Variants in DCBLD2 observed in about 807,000 individuals in gnomAD.
The protein encoded by DCBLD2 is discoidin, CUB and LCCL domain containing 2.
A neutral mutation model predicts 86.8 loss-of-function variants in DCBLD2; 54 were observed. The observed-to-expected ratio is 0.62, with a 90% CI of 0.50 to 0.78. DCBLD2 has a LOEUF of 0.78. DCBLD2 is among the 30% of genes least tolerant of loss of function. The pLI is 0.00. For missense variants in DCBLD2, 908 were observed against 954.2 expected, an observed-to-expected ratio of 0.95 and a Z score of 0.64; for synonymous variants, 354 against 341.3, an observed-to-expected ratio of 1.04 and a Z score of -0.41.
chr3:98,830,856 C>A (rs777049342), intron 3 of DCBLD2, among the ~76,000 whole-genome samples: 5 of 152,098 alleles, frequency 3.3e-5, no homozygotes, highest in Non-Finnish European at 7.3e-5. Context: ...ATAATGACTC[C>A]TCCAATTCAT....
chr3:98,883,080 T>C (rs1396487225), intron 1 of DCBLD2, among the ~76,000 whole-genome samples: 7 of 152,148 alleles, frequency 4.6e-5, no homozygotes, highest in Admixed American at 3.3e-4. Flanking sequence ...CTCTCCAGCA[T>C]CTGTTGTTTC....
intron 14 of DCBLD2, 104 bp downstream of exon 14, chr3:98,801,496 G>C: frequency 1.2e-6 from 1 of 812,212 alleles, no homozygotes. Context: ...AACAGTGTCG[G>C]GGAGTTCACC....
chr3:98,833,414 T>C (rs147070409), intron 3 of DCBLD2, among the ~76,000 whole-genome samples: 265 of 152,366 alleles, frequency 1.7e-3, no homozygotes, highest in Admixed American at 6.5e-3. Flanking sequence ...CCTGTGCATA[T>C]TCTGAATTCT....
Position 98,799,248 on chromosome 3 carries a change from CCA to C in DCBLD2, c.*122_*123del. The stretch of plus-strand genomic sequence containing the variant: ...TTAGTAGTTTCCTGTACCTCAGTCA[CCA>C]CATTTTCCCCAACCACTTCAGTGAC... On this transcript the variant is annotated 3_prime_UTR_variant, in exon 16 of 16. Coordinates refer to ENST00000326840, the MANE Select transcript of DCBLD2 (RefSeq NM_080927.4). The C allele has an allele frequency of 2.8e-6, 3 of 1,073,662 alleles. No homozygotes were observed. Among genetic ancestry groups the C allele is most frequent in the Non-Finnish European group, 4.0e-6 (3 of 757,850 alleles). The allele number at this position is 1,073,662 out of a possible 1,614,324, so 66.5% of individuals were successfully genotyped here. A position where few individuals can be genotyped will look rare whatever the true frequency, so the allele number is the denominator to read the frequency against.
At chr3:98,878,761 C>T (rs1943412738) in intron 2 of DCBLD2, among the ~76,000 whole-genome samples, 1 of 152,200 alleles carries the variant, frequency 6.6e-6, no homozygotes, top group African/African-American at 2.4e-5. Flanking sequence ...ACCATCATCA[C>T]TCAGGCCCCT....
chr3:98,872,174 T>C (rs967361886), intron 2 of DCBLD2, among the ~76,000 whole-genome samples: 2 of 152,230 alleles, frequency 1.3e-5, no homozygotes, highest in Non-Finnish European at 2.9e-5. Context: ...TCTGAAAGTA[T>C]AGTCTTCATG....
intron 2 of DCBLD2, among the ~76,000 whole-genome samples, chr3:98,858,259 T>C (rs531374719): frequency 1.3e-5 from 2 of 152,344 alleles, no homozygotes; most frequent in South Asian, 4.1e-4. Context: ...GAACTCGCAC[T>C]GGCCCGCAAG....
intron 14 of DCBLD2, among the ~76,000 whole-genome samples, chr3:98,801,096 C>G (rs374056691): frequency 6.6e-6 from 1 of 152,188 alleles, no homozygotes; most frequent in African/African-American, 2.4e-5. Context: ...AAGAGCTGAT[C>G]CAGTAGTGAG....
chr3:98,829,896 A>G (rs1267666561), intron 3 of DCBLD2, among the ~76,000 whole-genome samples: 1 of 152,136 alleles, frequency 6.6e-6, no homozygotes, highest in Admixed American at 6.6e-5. Flanking sequence ...CCATAACCTC[A>G]TTAGCATGTT....
At chr3:98,823,832 C>T (rs908565070) in intron 4 of DCBLD2, among the ~76,000 whole-genome samples, 1 of 152,164 alleles carries the variant, frequency 6.6e-6, no homozygotes, top group African/African-American at 2.4e-5. Flanking sequence ...CCCATTCACA[C>T]AGTTAGCAGG....
intron 1 of DCBLD2, among the ~76,000 whole-genome samples, chr3:98,895,875 C>T (rs955716393): frequency 6.6e-6 from 1 of 152,200 alleles, no homozygotes; most frequent in Non-Finnish European, 1.5e-5. Context: ...GGTACATGCA[C>T]ACTCTCTTGA....
At chr3:98,841,413 T>C (rs977485549) in intron 3 of DCBLD2, among the ~76,000 whole-genome samples, 2 of 152,220 alleles carry the variant, frequency 1.3e-5, no homozygotes, top group Non-Finnish European at 2.9e-5. Context: ...CTGCAAAGGC[T>C]AGAGAACTTT....
chr3:98,864,299 T>C (rs527730094), intron 2 of DCBLD2, among the ~76,000 whole-genome samples: 1 of 152,228 alleles, frequency 6.6e-6, no homozygotes, highest in African/African-American at 2.4e-5. Flanking sequence ...AGTGTGGCAA[T>C]TCCTCAAGTA....
intron 2 of DCBLD2, among the ~76,000 whole-genome samples, chr3:98,865,036 T>C (rs1943118795): frequency 6.6e-6 from 1 of 152,144 alleles, no homozygotes; most frequent in African/African-American, 2.4e-5. Context: ...ATAGCTGTTA[T>C]GAAAACCAGT....
chr3:98,878,794 T>C (rs987925534), intron 2 of DCBLD2, among the ~76,000 whole-genome samples: 6 of 152,134 alleles, frequency 3.9e-5, no homozygotes, highest in Non-Finnish European at 1.5e-5. Flanking sequence ...AGCTTTCCAT[T>C]CACCCATGAG....
chr3:98,871,162 T>C (rs997895344), intron 2 of DCBLD2, among the ~76,000 whole-genome samples: 1 of 152,156 alleles, frequency 6.6e-6, no homozygotes, highest in African/African-American at 2.4e-5. Flanking sequence ...TACAGATTCA[T>C]TTATCCAATC....
At chr3:98,843,983 T>C (rs1942669852) in intron 3 of DCBLD2, among the ~76,000 whole-genome samples, 1 of 150,226 alleles carries the variant, frequency 6.7e-6, no homozygotes, top group South Asian at 2.1e-4. Flanking sequence ...TAAGTGACAA[T>C]TTCATGTTCT....
intron 1 of DCBLD2, among the ~76,000 whole-genome samples, chr3:98,896,863 T>C (rs1475543254): frequency 6.6e-6 from 1 of 152,202 alleles, no homozygotes; most frequent in Non-Finnish European, 1.5e-5. Context: ...ATCCTTCTAC[T>C]GTTGGGTCAT....
intron 2 of DCBLD2, among the ~76,000 whole-genome samples, chr3:98,866,536 T>C (rs1402107700): frequency 1.3e-5 from 2 of 152,220 alleles, no homozygotes; most frequent in Admixed American, 6.5e-5. Context: ...TCATATCATT[T>C]GCCCACTTGT....
Sources: allele counts gnomAD v4.1 joint callset (sites outside exome capture counted in the v4.1 genomes callset), GRCh38; gene constraint gnomAD v4.1.1; transcripts MANE v1.5; gene names NCBI Gene and HGNC (gene_info 2026-07-23, HGNC 2026-07-21).